Variants in ARFIP1 observed in about 807,000 individuals in gnomAD.
The protein encoded by ARFIP1 is ARF interacting protein 1, also known as arfaptin-1.
Under a neutral mutation model 42.5 loss-of-function variants are expected in ARFIP1, and 24 were observed. That is an observed-to-expected ratio of 0.57 (90% CI 0.41 to 0.80). The LOEUF (loss-of-function observed/expected upper bound fraction) is 0.80, where lower values mean the gene tolerates loss of function less well. Ranked by LOEUF, ARFIP1 falls within the 30% of genes least tolerant of loss-of-function variation. ARFIP1 has a pLI of 0.00. For synonymous variants in ARFIP1, 141 were observed against 153.7 expected (o/e 0.92, Z 0.61); for missense variants, 354 against 434.0 (o/e 0.82, Z 1.64).
chr4:152,880,954 C>T lies in ARFIP1; in HGVS notation c.412-9C>T, dbSNP rs1735794223. ...TTCTTTCTAAACAAAATGCATCTTC[C>T]ACTTTTAGTGTACTCGACAGATTAT... On this transcript the variant is annotated splice_polypyrimidine_tract_variant and intron_variant, in intron 5 of 8. Coordinates refer to ENST00000353617, the MANE Select transcript of ARFIP1 (RefSeq NM_001025595.3). 4 of 1,597,292 alleles carry T rather than the reference C, an allele frequency of 2.5e-6. No individual in the cohort carries two copies. The highest frequency in any genetic ancestry group is 3.4e-6 in the Non-Finnish European group (4 of 1,169,770).
At chr4:152,815,966 G>A (rs1388806785) in intron 1 of ARFIP1, among the ~76,000 whole-genome samples, 1 of 151,660 alleles carries the variant, frequency 6.6e-6, no homozygotes, top group African/African-American at 2.4e-5. Flanking sequence ...GGATGGTCTC[G>A]ATCTCCTGAC....
intron 2 of ARFIP1, among the ~76,000 whole-genome samples, chr4:152,860,616 A>G (rs998244040): frequency 1.3e-5 from 2 of 152,174 alleles, no homozygotes; most frequent in East Asian, 3.8e-4. Context: ...GTAACAAATC[A>G]CTTTACACAC....
chr4:152,911,115 A>C lies in ARFIP1; in HGVS notation c.*896A>C, dbSNP rs894023928. ...TATGTAACAATACCGTTTAAGCCTTAAATCACAGATATGTGCCTTCTCAGA... is the reference window on the plus strand; with the variant it reads ...TATGTAACAATACCGTTTAAGCCTTCAATCACAGATATGTGCCTTCTCAGA... On this transcript the variant is annotated 3_prime_UTR_variant, in exon 9 of 9. Transcript: ENST00000353617. The C allele has an allele frequency of 6.6e-6, 1 of 152,652 alleles. No individual in the cohort carries two copies. The highest frequency in any genetic ancestry group is 2.4e-5 in the African/African-American group (1 of 41,460). The allele number at this position is 152,652 out of a possible 1,614,324, so 9.5% of individuals were successfully genotyped here.
At chr4:152,855,135 G>A (rs984739840) in intron 2 of ARFIP1, among the ~76,000 whole-genome samples, 4 of 152,196 alleles carry the variant, frequency 2.6e-5, no homozygotes, top group Non-Finnish European at 5.9e-5. Flanking sequence ...CTCAGGGAGT[G>A]CATGCAACTA....
intron 2 of ARFIP1, among the ~76,000 whole-genome samples, chr4:152,851,008 C>A (rs1263459365): frequency 2.0e-5 from 3 of 152,194 alleles, no homozygotes; most frequent in African/African-American, 7.2e-5. Context: ...TAACAGAATT[C>A]ATCAAACATT....
At chr4:152,876,137 T>C (rs1463224620) in intron 5 of ARFIP1, among the ~76,000 whole-genome samples, 1 of 152,136 alleles carries the variant, frequency 6.6e-6, no homozygotes, top group Non-Finnish European at 1.5e-5. Flanking sequence ...GAATGGGTTG[T>C]TGCTGAAAAG....
chr4:152,795,021 A>G (rs572567790), intron 1 of ARFIP1, among the ~76,000 whole-genome samples: 2 of 152,288 alleles, frequency 1.3e-5, no homozygotes, highest in South Asian at 2.1e-4. Context: ...TACAAAATAT[A>G]TCGTGTATCC....
At chr4:152,882,672 C>A in intron 6 of ARFIP1, 51 bp from the exon 7 acceptor site, 2 of 1,551,110 alleles carry the variant, frequency 1.3e-6, no homozygotes, top group South Asian at 2.3e-5. Flanking sequence ...ATTTTTAAGT[C>A]ACTTTTACTG....
intron 2 of ARFIP1, among the ~76,000 whole-genome samples, chr4:152,847,402 G>C (rs989770750): frequency 1.3e-5 from 2 of 151,618 alleles, no homozygotes; most frequent in Non-Finnish European, 1.5e-5. Flanking sequence ...CAAAGTGCTG[G>C]GATTACAGGC....
At chr4:152,850,961 A>T (rs1426105729) in intron 2 of ARFIP1, among the ~76,000 whole-genome samples, 1 of 152,212 alleles carries the variant, frequency 6.6e-6, no homozygotes, top group Non-Finnish European at 1.5e-5. Context: ...CTTTTTATAG[A>T]CAGCTAACTG....
chr4:152,904,963 A>T (rs1370753593), intron 8 of ARFIP1, among the ~76,000 whole-genome samples: 9 of 152,168 alleles, frequency 5.9e-5, no homozygotes, highest in Admixed American at 5.9e-4. Flanking sequence ...ATCCTTGAGG[A>T]ATCACCACAC....
At chr4:152,905,557 T>TTG (rs1561187034) in intron 8 of ARFIP1, among the ~76,000 whole-genome samples, 1 of 117,652 alleles carries the variant, frequency 8.5e-6, no homozygotes, top group Admixed American at 9.0e-5. Flanking sequence ...TTTTTTTTTT[T>TTG]TTTTTTTTTT....
At chr4:152,870,135 A>C (rs927228206) in intron 3 of ARFIP1, among the ~76,000 whole-genome samples, 2 of 152,314 alleles carry the variant, frequency 1.3e-5, no homozygotes, top group Admixed American at 1.3e-4. Flanking sequence ...AGGTCTGGGC[A>C]GGGTCTGAGA....
At chr4:152,817,424 G>A (rs941650160) in intron 1 of ARFIP1, among the ~76,000 whole-genome samples, 1 of 152,126 alleles carries the variant, frequency 6.6e-6, no homozygotes, top group African/African-American at 2.4e-5. Flanking sequence ...AAAGAATGAT[G>A]TTGGACTCTT....
chr4:152,789,855 A>C (rs4388067), intron 1 of ARFIP1, among the ~76,000 whole-genome samples: 20,935 of 152,108 alleles, frequency 0.14, 1,530 homozygotes, highest in Middle Eastern at 0.18. Context: ...GTTTTTGAGC[A>C]CTTTTAACTT....
chr4:152,910,150 A>G lies in ARFIP1; in HGVS notation c.1053A>G (p.Thr351=). ...GGAATCAGAAGCAGCTTGAACAGACACTTAAACAGTTCCATATCAAATTGA... is the reference window on the plus strand; with the variant it reads ...GGAATCAGAAGCAGCTTGAACAGACGCTTAAACAGTTCCATATCAAATTGA... ...FAGNQKQLEQ[T]LKQFHIKLKT... Residue 351 remains threonine, a synonymous_variant, in exon 9 of 9, where the codon ACA becomes ACG. Coordinates refer to ENST00000353617, the MANE Select transcript of ARFIP1 (RefSeq NM_001025595.3). 6.2e-7 allele frequency: 1 copy of G among 1,614,182 alleles called. No individual in the cohort carries two copies. The highest frequency in any genetic ancestry group is 8.5e-7 in the Non-Finnish European group (1 of 1,180,010).
In ARFIP1 at chr4:152,881,123, A is replaced by C; in HGVS notation, c.572A>C (p.His191Pro). 6.2e-7 allele frequency: 1 copy of C among 1,613,962 alleles called. No homozygotes were observed. The highest frequency in any genetic ancestry group is 8.5e-7 in the Non-Finnish European group (1 of 1,179,906). The change falls in exon 6 of 9, where the codon CAT (histidine) becomes CCT (proline). Residue 191 changes from histidine to proline, a missense_variant. His to Pro is a moderately conservative substitution (Grantham distance 77). Coordinates refer to ENST00000353617, the MANE Select transcript of ARFIP1 (RefSeq NM_001025595.3). ...TLSTQLFQMV[H>P]TQRQLGDAFA... ...TCGACCCAGCTTTTCCAGATGGTAC[A>C]TACCCAAAGGCAACTTGGAGATGCA...
intron 1 of ARFIP1, among the ~76,000 whole-genome samples, chr4:152,782,666 G>A (rs936986095): frequency 7.2e-5 from 11 of 152,186 alleles, no homozygotes; most frequent in Non-Finnish European, 1.3e-4. Context: ...AGATGTTTCA[G>A]TGGTGTGGTC....
intron 1 of ARFIP1, among the ~76,000 whole-genome samples, chr4:152,827,504 C>T (rs1203815405): frequency 2.0e-5 from 3 of 152,092 alleles, no homozygotes; most frequent in South Asian, 4.1e-4. Context: ...GACATGTATC[C>T]GCCACTGTAG....
Sources: allele counts gnomAD v4.1 joint callset (sites outside exome capture counted in the v4.1 genomes callset), GRCh38; gene constraint gnomAD v4.1.1; transcripts MANE v1.5; gene names NCBI Gene and HGNC (gene_info 2026-07-23, HGNC 2026-07-21).